ANKS1B: variants seen among roughly 807,000 people sequenced by gnomAD.
ANKS1B encodes the protein ankyrin repeat and sterile alpha motif domain-containing protein 1B.
ANKS1B carries 36 observed loss-of-function variants against 148.3 expected under a neutral mutation model. The observed-to-expected ratio is 0.24, with a 90% CI of 0.19 to 0.32. ANKS1B has a LOEUF of 0.32. ANKS1B is among the 10% of genes least tolerant of loss of function. The pLI, the probability that ANKS1B is intolerant of heterozygous loss-of-function variation, is 1.00. For missense variants in ANKS1B, 1,157 were observed against 1,542.6 expected, an observed-to-expected ratio of 0.75 and a Z score of 4.19; for synonymous variants, 542 against 560.8, an observed-to-expected ratio of 0.97 and a Z score of 0.47.
chr12:99,325,022 G>A (rs144094757), intron 12 of ANKS1B, among the ~76,000 whole-genome samples: 13 of 152,170 alleles, frequency 8.5e-5, no homozygotes, highest in East Asian at 5.8e-4. Flanking sequence ...CAGATATGCC[G>A]TATATGTACA....
chr12:99,326,739 C>T (rs1456775434), intron 12 of ANKS1B, among the ~76,000 whole-genome samples: 1 of 150,800 alleles, frequency 6.6e-6, no homozygotes, highest in Non-Finnish European at 1.5e-5. Flanking sequence ...TTTTGAAGTC[C>T]CCTTGTTTAA....
chr12:99,895,756 G>C lies in ANKS1B; in HGVS notation c.135-70367C>G, dbSNP rs192025100. ...AAGAAGGCCAAAACCCTTACTCAGA[G>C]TAATTGGCCTACAATTTCAGCCTCT... On this transcript the variant is annotated intron_variant, in intron 1 of 26. Transcript: ENST00000683438. Among the ~76,000 whole-genome samples, 5 of 151,170 alleles carry C rather than the reference G, an allele frequency of 3.3e-5. No homozygotes were observed. The East Asian group carries it at 9.7e-4, about 29-fold the overall frequency.
chr12:99,629,364 A>C (rs916937773), intron 9 of ANKS1B, among the ~76,000 whole-genome samples: 3 of 152,184 alleles, frequency 2.0e-5, no homozygotes, highest in Non-Finnish European at 4.4e-5. Flanking sequence ...ACATACGAGA[A>C]AAAAACTTGA....
At chr12:99,066,854 G>T (rs577993976) in intron 16 of ANKS1B, among the ~76,000 whole-genome samples, 1 of 152,318 alleles carries the variant, frequency 6.6e-6, no homozygotes, top group Non-Finnish European at 1.5e-5. Context: ...GGTGGTTGCA[G>T]CTGTGTGTCA....
chr12:99,889,122 C>A (rs2153746054), intron 1 of ANKS1B, among the ~76,000 whole-genome samples: 1 of 152,234 alleles, frequency 6.6e-6, no homozygotes, highest in East Asian at 1.9e-4. Flanking sequence ...GCCAGTAGAT[C>A]CTCCCATCAG....
intron 12 of ANKS1B, among the ~76,000 whole-genome samples, chr12:99,394,810 G>T (rs139683348): frequency 6.6e-6 from 1 of 152,192 alleles, no homozygotes; most frequent in East Asian, 1.9e-4. Context: ...TAATGACGAC[G>T]TTCACATCTA....
At chr12:99,443,955 T>A (rs1204803921) in intron 10 of ANKS1B, 146 bp from the exon 11 acceptor site, 1 of 936,058 alleles carries the variant, frequency 1.1e-6, no homozygotes, top group East Asian at 2.6e-5. Context: ...TGCTCAGTAG[T>A]ATATTTTAAA....
At chr12:98,876,065 G>A (rs1407336369) in intron 17 of ANKS1B, among the ~76,000 whole-genome samples, 2 of 152,170 alleles carry the variant, frequency 1.3e-5, no homozygotes, top group Non-Finnish European at 2.9e-5. Flanking sequence ...GACAAATGCA[G>A]ATTGAACCAA....
chr12:98,938,646 C>A (rs1567892786), intron 17 of ANKS1B, among the ~76,000 whole-genome samples: 1 of 152,216 alleles, frequency 6.6e-6, no homozygotes, highest in African/African-American at 2.4e-5. Flanking sequence ...GGGGAAGACA[C>A]ACACACACAA....
At chr12:99,154,262 G>T in intron 15 of ANKS1B, 27 bp downstream of exon 15, 1 of 1,612,452 alleles carries the variant, frequency 6.2e-7, no homozygotes, top group Non-Finnish European at 8.5e-7. Context: ...ACAAAAGGCA[G>T]CTCCGTGGAC....
intron 1 of ANKS1B, among the ~76,000 whole-genome samples, chr12:99,946,190 G>A (rs2095056701): frequency 6.6e-6 from 1 of 152,160 alleles, no homozygotes; most frequent in Non-Finnish European, 1.5e-5. Context: ...GGGGAAAGGA[G>A]GAGGAGAGAA....
intron 17 of ANKS1B, among the ~76,000 whole-genome samples, chr12:98,984,707 C>T (rs1413780036): frequency 6.6e-5 from 10 of 152,120 alleles, no homozygotes; most frequent in Admixed American, 5.2e-4. Context: ...AACCTATTTC[C>T]TTATATTTTA....
intron 17 of ANKS1B, among the ~76,000 whole-genome samples, chr12:98,923,318 T>C (rs1350077821): frequency 6.6e-6 from 1 of 152,178 alleles, no homozygotes; most frequent in African/African-American, 2.4e-5. Flanking sequence ...CTGCCTAAGC[T>C]TGGGGTTTCC....
chr12:98,846,268 G>T (rs538270289), intron 17 of ANKS1B, among the ~76,000 whole-genome samples: 1 of 152,262 alleles, frequency 6.6e-6, no homozygotes, highest in East Asian at 1.9e-4. Flanking sequence ...AGTTTTCATT[G>T]CCTCTTGCAC....
Position 98,801,381 on chromosome 12 carries a change from T to C in ANKS1B, c.3142-256A>G, listed in dbSNP as rs1566670388. On this transcript the variant is annotated intron_variant, in intron 20 of 26. Coordinates refer to ENST00000683438, the MANE Select transcript of ANKS1B (RefSeq NM_001352186.2). The surrounding 1 kb of genome is among the most constrained non-coding windows in gnomAD (Gnocchi z 5.2). ...CATCCTAAGCTAAGTCACTTTAAAA[T>C]AAAACATGAAGATATTCATAAATGA... is the stretch of plus-strand genomic sequence containing the variant. Among the ~76,000 whole-genome samples, 1 of 152,162 alleles carries C rather than the reference T, an allele frequency of 6.6e-6. No individual in the cohort carries two copies. The highest frequency in any genetic ancestry group is 1.9e-4 in the East Asian group (1 of 5,192).
At chr12:99,487,803 T>C (rs1207030999) in intron 10 of ANKS1B, among the ~76,000 whole-genome samples, 1 of 152,144 alleles carries the variant, frequency 6.6e-6, no homozygotes, top group Non-Finnish European at 1.5e-5. Flanking sequence ...TATTCTGTAT[T>C]GATGGGCACA....
chr12:98,795,873 T>A (rs1056291399), intron 22 of ANKS1B, among the ~76,000 whole-genome samples: 1 of 152,168 alleles, frequency 6.6e-6, no homozygotes, highest in Non-Finnish European at 1.5e-5. Flanking sequence ...TTTTCCCATA[T>A]GTAAAGTGGG....
chr12:99,489,674 A>T (rs1346502408), intron 10 of ANKS1B, among the ~76,000 whole-genome samples: 1 of 152,200 alleles, frequency 6.6e-6, no homozygotes, highest in Non-Finnish European at 1.5e-5. Flanking sequence ...ATAATCCAGC[A>T]TCCTCATAGA....
At chr12:99,588,009 A>C (rs978921223) in intron 9 of ANKS1B, among the ~76,000 whole-genome samples, 1 of 152,176 alleles carries the variant, frequency 6.6e-6, no homozygotes, top group Non-Finnish European at 1.5e-5. Flanking sequence ...AGTTACATTG[A>C]GTCAGATATT....
Sources: gnomAD v4.1 joint callset for allele counts (sites outside exome capture counted in the v4.1 genomes callset) on GRCh38, gnomAD v4.1.1 for gene constraint, Gnocchi (gnomAD v3.1) non-coding constraint, MANE v1.5 for transcripts, NCBI Gene and HGNC (gene_info 2026-07-23, HGNC 2026-07-21) for gene names.